Variants in RAD54B observed in about 807,000 individuals in gnomAD.
RAD54B encodes the protein RAD54 homolog B, also known as DNA repair and recombination protein RAD54B.
In RAD54B, 78 loss-of-function variants were observed where a neutral mutation model predicts 95.8. The ratio of observed to expected loss-of-function variants is 0.81; its 90% CI spans 0.68 to 0.98. RAD54B has a LOEUF of 0.98. Among genes scored for constraint, RAD54B ranks in the 50% least tolerant of loss-of-function variants. The probability of loss-of-function intolerance (pLI) is 0.00; values close to 1 mark genes in which losing one functional copy is unlikely to be tolerated. For missense variants in RAD54B, 957 were observed against 1,056.6 expected (o/e 0.91, Z 1.31); for synonymous variants, 328 against 354.9 (o/e 0.92, Z 0.85).
chr8:94,432,014 TC>T, intron 3 of RAD54B: 1 of 1,318,784 alleles, frequency 7.6e-7, no homozygotes, highest in Non-Finnish European at 9.7e-7. Context: ...AAAAAGTTTT[TC>T]CATAATAGAG....
At chr8:94,398,671 A>G (rs891194672) in intron 8 of RAD54B, among the ~76,000 whole-genome samples, 1 of 152,082 alleles carries the variant, frequency 6.6e-6, no homozygotes, top group Non-Finnish European at 1.5e-5. Context: ...AATGAATACA[A>G]TTCTCTTCTT....
chr8:94,426,588 A>T (rs1382982843), intron 3 of RAD54B, among the ~76,000 whole-genome samples: 1 of 152,214 alleles, frequency 6.6e-6, no homozygotes, highest in East Asian at 1.9e-4. Flanking sequence ...TAAGGTGAAA[A>T]AAACAGAAAC....
intron 3 of RAD54B, chr8:94,436,836 G>A (rs1251155866): frequency 1.3e-6 from 2 of 1,540,888 alleles, no homozygotes; most frequent in African/African-American, 1.4e-5. Flanking sequence ...TTTCGGATAA[G>A]GTAAAATTGG....
rs150078322 is a variant in RAD54B at position 94,445,135 on chromosome 8, T to A, written c.304+13133A>T. On this transcript the variant is annotated intron_variant, in intron 3 of 14. Transcript: ENST00000336148. ...TAAAAACACCAGCAGATTTGGTGTC[T>A]GGTAAGGGCCCATTTCCTGGTTCTT... 1.2e-3 allele frequency among the ~76,000 whole-genome samples: 186 copies of A among 152,240 alleles called. 1 individual carries two copies. The highest frequency in any genetic ancestry group is 4.3e-3 in the African/African-American group (179 of 41,536).
chr8:94,440,116 A>G (rs1812365059), intron 3 of RAD54B, among the ~76,000 whole-genome samples: 1 of 152,148 alleles, frequency 6.6e-6, no homozygotes, highest in Non-Finnish European at 1.5e-5. Context: ...CATGATATAC[A>G]GGGTTAAATA....
intron 5 of RAD54B, among the ~76,000 whole-genome samples, chr8:94,406,911 T>C (rs550554473): frequency 1.3e-5 from 2 of 152,220 alleles, no homozygotes; most frequent in Admixed American, 6.5e-5. Context: ...ACAATCTAGG[T>C]TTCTTTTTTT....
chr8:94,422,908 T>C (rs1474654663), intron 3 of RAD54B, among the ~76,000 whole-genome samples: 1 of 150,810 alleles, frequency 6.6e-6, no homozygotes, highest in Non-Finnish European at 1.5e-5. Flanking sequence ...TTTGGAGTTA[T>C]TCACCCTCTT....
chr8:94,402,518 T>C (rs1259401283), intron 6 of RAD54B, among the ~76,000 whole-genome samples: 1 of 152,194 alleles, frequency 6.6e-6, no homozygotes. Flanking sequence ...CCTCCGAAAA[T>C]GCTGGGATTA....
At chr8:94,443,303 C>A (rs536743725) in intron 3 of RAD54B, among the ~76,000 whole-genome samples, 1 of 152,218 alleles carries the variant, frequency 6.6e-6, no homozygotes, top group South Asian at 2.1e-4. Flanking sequence ...GGGAACAACA[C>A]ACACTGGGGC....
intron 3 of RAD54B, chr8:94,436,416 T>C (rs910979958): frequency 2.1e-6 from 3 of 1,433,232 alleles, no homozygotes; most frequent in African/African-American, 1.4e-5. Context: ...TTACTATGCA[T>C]ATCTCTATCA....
intron 11 of RAD54B, among the ~76,000 whole-genome samples, chr8:94,384,633 A>G (rs1187578612): frequency 1.9e-4 from 29 of 152,244 alleles, no homozygotes; most frequent in Admixed American, 1.9e-3. Flanking sequence ...ACAGAATTAT[A>G]CATAAAAAAA....
chr8:94,441,469 T>C (rs550698694), intron 3 of RAD54B, among the ~76,000 whole-genome samples: 1 of 152,186 alleles, frequency 6.6e-6, no homozygotes, highest in South Asian at 2.1e-4. Context: ...TTACAAAGGA[T>C]ACAAATGAAC....
In RAD54B at chr8:94,411,239, A is replaced by G; in HGVS notation, c.381T>C (p.Ser127=). 6.2e-7 allele frequency: 1 copy of G among 1,611,850 alleles called. No individual in the cohort carries two copies. Among genetic ancestry groups the G allele is most frequent in the Non-Finnish European group, 8.5e-7 (1 of 1,179,120 alleles). ...TCTTTGAAGGCTTACACCAAACAAC[A>G]CTGAAATATTTAACTAGGCTATCAG... ...EKSDSLVKYF[S]VVWCKPSKKK... Residue 127 remains serine, a synonymous_variant, in exon 4 of 15, where the codon AGT becomes AGC. Transcript: ENST00000336148.
intron 3 of RAD54B, chr8:94,430,879 T>C (rs1440385877): frequency 3.0e-6 from 3 of 985,408 alleles, no homozygotes; most frequent in Non-Finnish European, 3.6e-6. Flanking sequence ...ACAGCCCAAA[T>C]TGACTCTCTC....
At chr8:94,449,141 T>C (rs1812593851) in intron 3 of RAD54B, among the ~76,000 whole-genome samples, 1 of 151,952 alleles carries the variant, frequency 6.6e-6, no homozygotes, top group South Asian at 2.1e-4. Flanking sequence ...ATTTTTAAAA[T>C]GTTTTAAATT....
At chr8:94,447,164 C>T (rs1187730845) in intron 3 of RAD54B, among the ~76,000 whole-genome samples, 1 of 152,116 alleles carries the variant, frequency 6.6e-6, no homozygotes, top group East Asian at 1.9e-4. Flanking sequence ...AAAACCCTCA[C>T]AAAACCAAAG....
intron 2 of RAD54B, 36 bp downstream of exon 2, chr8:94,467,369 T>C (rs554353805): frequency 9.2e-6 from 14 of 1,516,848 alleles, no homozygotes; most frequent in Middle Eastern, 3.5e-4. Flanking sequence ...CATGCTTCTC[T>C]ATATTATCTA....
intron 3 of RAD54B, among the ~76,000 whole-genome samples, chr8:94,417,702 G>A (rs1811710283): frequency 6.6e-6 from 1 of 151,514 alleles, no homozygotes; most frequent in Admixed American, 6.6e-5. Flanking sequence ...GAAGACATAT[G>A]TCTGGAAAAA....
rs766874715 is a variant in RAD54B at position 94,380,307 on chromosome 8, T to C, written c.2085A>G (p.Pro695=). The C allele has an allele frequency of 5.6e-6, 9 of 1,613,952 alleles. No homozygotes were observed. The highest frequency in any genetic ancestry group is 7.6e-6 in the Non-Finnish European group (9 of 1,179,962). ...CAACAATCTGCTGCCTTTGAGAGAT[T>C]GGTGTTTGTCCATCAAGTCTTGTAT... ...YAYTRLDGQT[P]ISQRQQIVDG... The change falls in exon 12 of 15, where the codon CCA becomes CCG. Residue 695 remains proline, a synonymous_variant. Transcript: ENST00000336148.
Sources: gnomAD v4.1 joint callset for allele counts (sites outside exome capture counted in the v4.1 genomes callset) on GRCh38, gnomAD v4.1.1 for gene constraint, MANE v1.5 for transcripts, NCBI Gene and HGNC (gene_info 2026-07-23, HGNC 2026-07-21) for gene names.